The following BLOC1S5 variants were observed in gnomAD, a reference collection of about 807,000 sequenced individuals.
BLOC1S5 encodes biogenesis of lysosomal organelles complex 1 subunit 5.
Under a neutral mutation model 24.3 loss-of-function variants are expected in BLOC1S5, and 27 were observed. The ratio of observed to expected loss-of-function variants is 1.11; its 90% CI spans 0.82 to 1.53. The LOEUF (loss-of-function observed/expected upper bound fraction) is 1.53, where lower values mean the gene tolerates loss of function less well. Among genes scored for constraint, BLOC1S5 ranks in the 40% most tolerant of loss-of-function variants. BLOC1S5 has a pLI of 0.00. For missense variants in BLOC1S5, 239 were observed against 229.4 expected (o/e 1.04, Z -0.27); for synonymous variants, 84 against 74.5 (o/e 1.13, Z -0.66).
At chr6:8,039,047 A>G (rs955153701) in intron 3 of BLOC1S5, among the ~76,000 whole-genome samples, 1 of 152,280 alleles carries the variant, frequency 6.6e-6, no homozygotes, top group African/African-American at 2.4e-5. Context: ...GAACCAACCT[A>G]AATTCCCATG....
At chr6:8,049,512 G>T (rs1049501703) in intron 2 of BLOC1S5, among the ~76,000 whole-genome samples, 1 of 152,000 alleles carries the variant, frequency 6.6e-6, no homozygotes, top group African/African-American at 2.4e-5. Flanking sequence ...TTTAAATTAT[G>T]TAAAACATTT....
chr6:8,030,464 A>C (rs1343239215), intron 3 of BLOC1S5, among the ~76,000 whole-genome samples: 1 of 151,870 alleles, frequency 6.6e-6, no homozygotes, highest in Non-Finnish European at 1.5e-5. Context: ...GGCCAGATTA[A>C]AATAATTTTT....
At chr6:8,023,545 G>A (rs1368227781) in intron 4 of BLOC1S5, among the ~76,000 whole-genome samples, 3 of 151,458 alleles carry the variant, frequency 2.0e-5, no homozygotes, top group Non-Finnish European at 2.9e-5. Flanking sequence ...AGCTGAGATC[G>A]TGCCACTGCA....
At chr6:8,040,693 T>C (rs982950013) in intron 3 of BLOC1S5, among the ~76,000 whole-genome samples, 7 of 151,872 alleles carry the variant, frequency 4.6e-5, no homozygotes, top group Admixed American at 3.9e-4. Flanking sequence ...CCATCTCTAC[T>C]AAAAATACAA....
At chr6:8,053,618 A>C (rs938758273) in intron 2 of BLOC1S5, among the ~76,000 whole-genome samples, 10 of 152,236 alleles carry the variant, frequency 6.6e-5, no homozygotes, top group African/African-American at 2.4e-4. Flanking sequence ...TGGGCACCCA[A>C]GAAATTTGTT....
intron 2 of BLOC1S5, among the ~76,000 whole-genome samples, chr6:8,060,305 G>A (rs1423928084): frequency 6.6e-6 from 1 of 152,196 alleles, no homozygotes; most frequent in African/African-American, 2.4e-5. Context: ...AAGAATTGTG[G>A]CTGAAACACA....
intron 2 of BLOC1S5, among the ~76,000 whole-genome samples, chr6:8,046,601 A>G (rs963033143): frequency 6.6e-6 from 1 of 152,196 alleles, no homozygotes; most frequent in African/African-American, 2.4e-5. Flanking sequence ...AAGTTGTGAG[A>G]GAATAATATA....
At chr6:8,054,308 A>G (rs1337520139) in intron 2 of BLOC1S5, 2 of 446,846 alleles carry the variant, frequency 4.5e-6, no homozygotes, top group Non-Finnish European at 8.9e-6. Context: ...CTACATCTTC[A>G]CCGTCAGAAC....
At chr6:8,062,674 T>G (rs923356366) in intron 1 of BLOC1S5, 58 bp from the exon 2 acceptor site, 1 of 1,168,462 alleles carries the variant, frequency 8.6e-7, no homozygotes, top group African/African-American at 1.5e-5. Context: ...AATCTCTAGC[T>G]TGTTTTACTC....
intron 4 of BLOC1S5, among the ~76,000 whole-genome samples, chr6:8,019,628 A>G (rs1389255905): frequency 1.3e-5 from 2 of 151,524 alleles, no homozygotes; most frequent in African/African-American, 4.9e-5. Flanking sequence ...GCGCCTATAC[A>G]TTCATGTATT....
chr6:8,022,363 C>T lies in BLOC1S5; in HGVS notation c.384+4004G>A, dbSNP rs189566745. Among the ~76,000 whole-genome samples the T allele has an allele frequency of 4.0e-5, 6 of 151,200 alleles. No individual in the cohort carries two copies. In the East Asian group the frequency reaches 9.7e-4, roughly 24 times the overall value. On this transcript the variant is annotated intron_variant, in intron 4 of 4. Coordinates refer to ENST00000397457, the MANE Select transcript of BLOC1S5 (RefSeq NM_201280.3). ...GCTGAGGTTGAGAAAACCTGGTCTA[C>T]GGGAAAACTCTGAAAAACCCAACTA...
At chr6:8,045,925 G>A (rs1463621666) in intron 2 of BLOC1S5, among the ~76,000 whole-genome samples, 1 of 152,182 alleles carries the variant, frequency 6.6e-6, no homozygotes. Flanking sequence ...TGGGATTAAT[G>A]CTGAAATGAG....
At chr6:8,023,842 G>A (rs1763012477) in intron 4 of BLOC1S5, among the ~76,000 whole-genome samples, 1 of 152,114 alleles carries the variant, frequency 6.6e-6, no homozygotes, top group Admixed American at 6.5e-5. Flanking sequence ...ATGTGCACAT[G>A]TGTATATGTG....
chr6:8,043,609 T>C (rs528037113), intron 2 of BLOC1S5, among the ~76,000 whole-genome samples: 15 of 152,268 alleles, frequency 9.9e-5, no homozygotes, highest in Non-Finnish European at 1.9e-4. Context: ...GTACCCCAGA[T>C]GAGATTCTGG....
chr6:8,056,870 G>C (rs1279576703), intron 2 of BLOC1S5, among the ~76,000 whole-genome samples: 2 of 152,190 alleles, frequency 1.3e-5, no homozygotes, highest in African/African-American at 4.8e-5. Context: ...GTTACACACA[G>C]TAAGTGAATT....
At chr6:8,021,700 T>C (rs1428594260) in intron 4 of BLOC1S5, among the ~76,000 whole-genome samples, 1 of 152,204 alleles carries the variant, frequency 6.6e-6, no homozygotes, top group Non-Finnish European at 1.5e-5. Flanking sequence ...CACTGAAATG[T>C]ACATTTTAAA....
intron 3 of BLOC1S5, among the ~76,000 whole-genome samples, chr6:8,037,452 A>C (rs1374385110): frequency 6.6e-6 from 1 of 152,164 alleles, no homozygotes; most frequent in African/African-American, 2.4e-5. Flanking sequence ...AAAACTATAA[A>C]ACTTTGATGA....
chr6:8,019,801 C>T (rs867100703), intron 4 of BLOC1S5, among the ~76,000 whole-genome samples: 12 of 152,186 alleles, frequency 7.9e-5, no homozygotes, highest in Admixed American at 5.2e-4. Flanking sequence ...CTTCTGATTC[C>T]GAGCCTACTT....
chr6:8,027,749 G>A (rs1207765514), intron 3 of BLOC1S5, among the ~76,000 whole-genome samples: 1 of 149,952 alleles, frequency 6.7e-6, no homozygotes, highest in African/African-American at 2.5e-5. Flanking sequence ...CAAGACAATC[G>A]CTCGAACCTG....
Sources: allele counts gnomAD v4.1 joint callset (sites outside exome capture counted in the v4.1 genomes callset), GRCh38; gene constraint gnomAD v4.1.1; transcripts MANE v1.5; gene names NCBI Gene and HGNC (gene_info 2026-07-23, HGNC 2026-07-21).